RETREG1: variants seen among roughly 807,000 people sequenced by gnomAD.
The protein encoded by RETREG1 is reticulophagy regulator 1, also known as family with sequence similarity 134 member B.
Under a neutral mutation model 54.8 loss-of-function variants are expected in RETREG1, and 44 were observed. That is an observed-to-expected ratio of 0.80 (90% CI 0.63 to 1.03). The LOEUF is 1.03. Ranked by LOEUF, RETREG1 falls within the 50% of genes least tolerant of loss-of-function variation. RETREG1 has a pLI of 0.00. For missense variants in RETREG1, 554 were observed against 605.1 expected (o/e 0.92, Z 0.89); for synonymous variants, 217 against 238.5 (o/e 0.91, Z 0.83).
intron 3 of RETREG1, among the ~76,000 whole-genome samples, chr5:16,517,549 C>G (rs770921412): frequency 7.2e-5 from 11 of 152,072 alleles, no homozygotes; most frequent in Admixed American, 6.6e-5. Context: ...CAATTCTTCC[C>G]TCTCCCTCAC....
chr5:16,550,642 C>T (rs1741510156), intron 3 of RETREG1, among the ~76,000 whole-genome samples: 1 of 152,326 alleles, frequency 6.6e-6, no homozygotes, highest in East Asian at 1.9e-4. Flanking sequence ...AGAGTCAGCT[C>T]TCACTATTTT....
Position 16,483,380 on chromosome 5 carries a change from T to G in RETREG1, c.551A>C (p.Glu184Ala), listed in dbSNP as rs1394431461. The G allele has an allele frequency of 1.9e-6, 3 of 1,613,436 alleles. No homozygotes were observed. The Admixed American group carries it at 5.0e-5, about 27-fold the overall frequency. The change falls in exon 4 of 9, where the codon GAA (glutamate) becomes GCA (alanine). Residue 184 changes from glutamate (E) to alanine (A), a missense_variant. Glu to Ala is a moderately radical substitution (Grantham distance 107). Around this residue, in one of 4 missense-constraint regions of RETREG1, gnomAD observed 347 missense variants for 412.3 expected, o/e 0.84. Transcript: ENST00000306320. ...SWMNFSIFLQ[E>A]MSLFKQQSPG... ...GCTCTGCTGTTTAAAAAGAGACATT[T>G]CTTGAAGAAATATGCTGAAATTCAT...
chr5:16,534,187 C>T (rs1740992161), intron 3 of RETREG1, among the ~76,000 whole-genome samples: 1 of 152,154 alleles, frequency 6.6e-6, no homozygotes, highest in Admixed American at 6.5e-5. Flanking sequence ...TGGTGGCTCA[C>T]ACCTGTAATC....
intron 3 of RETREG1, among the ~76,000 whole-genome samples, chr5:16,542,555 C>A (rs183118387): frequency 5.8e-4 from 88 of 152,324 alleles, no homozygotes; most frequent in African/African-American, 2.0e-3. Context: ...AGCCCAGAGC[C>A]ATTCCCTAAG....
chr5:16,507,795 T>C (rs956852132), intron 3 of RETREG1, among the ~76,000 whole-genome samples: 5 of 152,242 alleles, frequency 3.3e-5, no homozygotes, highest in Admixed American at 2.6e-4. Flanking sequence ...GTTTCCACTT[T>C]CTTTGGCAAG....
At chr5:16,522,850 T>A (rs931791229) in intron 3 of RETREG1, among the ~76,000 whole-genome samples, 1 of 151,924 alleles carries the variant, frequency 6.6e-6, no homozygotes, top group African/African-American at 2.4e-5. Flanking sequence ...TCAAAAATTT[T>A]AAAAAGTTAG....
chr5:16,616,756 G>A lies in RETREG1; in HGVS notation c.216C>T (p.Leu72=), dbSNP rs776509065. The change falls in exon 1 of 9, where the codon CTC becomes CTT. Residue 72 remains leucine (L), a synonymous_variant. Coordinates refer to ENST00000306320, the MANE Select transcript of RETREG1 (RefSeq NM_001034850.3). The part of the protein sequence containing the change: ...GRAAAAVTWL[L]GEPVLWLGCR... ...AGCCCAGCCACAGCACCGGCTCCCC[G>A]AGCAGCCAGGTTACCGCGGCCGCCG... 6 of 1,564,610 alleles carry A rather than the reference G, an allele frequency of 3.8e-6. No individual in the cohort carries two copies. The African/African-American group carries it at 6.8e-5, about 18-fold the overall frequency.
intron 1 of RETREG1, among the ~76,000 whole-genome samples, chr5:16,607,472 G>A (rs1270098821): frequency 1.3e-5 from 2 of 152,010 alleles, no homozygotes; most frequent in Non-Finnish European, 2.9e-5. Context: ...AAATTAGCTG[G>A]GTGTGGTGGC....
At chr5:16,518,102 T>C (rs1262999307) in intron 3 of RETREG1, among the ~76,000 whole-genome samples, 2 of 148,324 alleles carry the variant, frequency 1.3e-5, no homozygotes, top group Non-Finnish European at 3.0e-5. Flanking sequence ...TATTTATATA[T>C]AATCAATGTA....
chr5:16,538,808 C>T (rs1186386538), intron 3 of RETREG1, among the ~76,000 whole-genome samples: 1 of 152,050 alleles, frequency 6.6e-6, no homozygotes, highest in Non-Finnish European at 1.5e-5. Context: ...GGGTTCACGC[C>T]ATTCTCCTAC....
Position 16,541,934 on chromosome 5 carries a change from G to A in RETREG1, c.458+23829C>T, listed in dbSNP as rs79296631. On this transcript the variant is annotated intron_variant, in intron 3 of 8. Transcript: ENST00000306320. Reference sequence around the variant, plus strand: ...TTGTTTCCTAAGAGAAATTACACAGGAGGCAATAATGTGATTATTTTATTA... The same window carrying A: ...TTGTTTCCTAAGAGAAATTACACAGAAGGCAATAATGTGATTATTTTATTA... 1.3e-3 allele frequency among the ~76,000 whole-genome samples: 198 copies of A among 152,248 alleles called. 6 individuals carry two copies. In the East Asian group the frequency reaches 0.035, roughly 27 times the overall value.
At chr5:16,595,178 T>A (rs942814641) in intron 1 of RETREG1, among the ~76,000 whole-genome samples, 3 of 152,214 alleles carry the variant, frequency 2.0e-5, no homozygotes, top group African/African-American at 7.2e-5. Context: ...ATGCGCAGTC[T>A]TGTACACGAG....
Position 16,585,784 on chromosome 5 carries a change from AAGGGG to A in RETREG1, c.321-13687_321-13683del, listed in dbSNP as rs2126331203. On this transcript the variant is annotated intron_variant, in intron 1 of 8. Coordinates refer to ENST00000306320, the MANE Select transcript of RETREG1 (RefSeq NM_001034850.3). The surrounding 1 kb of genome is among the most constrained non-coding windows in gnomAD (Gnocchi z 4.5). Reference sequence around the variant, plus strand: ...AAGCTTATGATCATGGTGAAAGGTGAAGGGGAAGCAGGCATCTCATATGGTGGGAG... The same window carrying A: ...AAGCTTATGATCATGGTGAAAGGTGAAAGCAGGCATCTCATATGGTGGGAG... Among the ~76,000 whole-genome samples, 1 of 152,284 alleles carries A rather than the reference AAGGGG, an allele frequency of 6.6e-6. No homozygotes were observed. The highest frequency in any genetic ancestry group is 2.4e-5 in the African/African-American group (1 of 41,564).
At position 16,585,942 on chromosome 5, in the gene RETREG1, A is replaced by T. The variant is rs751924514; in HGVS notation, c.321-13840T>A. On this transcript the variant is annotated intron_variant, in intron 1 of 8. Coordinates refer to ENST00000306320, the MANE Select transcript of RETREG1 (RefSeq NM_001034850.3). This position sits in a 1 kb window ranked among gnomAD's most constrained non-coding sequence, Gnocchi z 4.5. Reference sequence around the variant, plus strand: ...CACCCCCATCACCCAAACACCTCCCACCACACCCCACCTCCAACACTGGGG... The same window carrying T: ...CACCCCCATCACCCAAACACCTCCCTCCACACCCCACCTCCAACACTGGGG... 6.6e-6 allele frequency among the ~76,000 whole-genome samples: 1 copy of T among 152,120 alleles called. No individual in the cohort carries two copies. The highest frequency in any genetic ancestry group is 1.5e-5 in the Non-Finnish European group (1 of 68,026).
chr5:16,484,301 A>C (rs544587023), intron 3 of RETREG1, among the ~76,000 whole-genome samples: 1 of 152,302 alleles, frequency 6.6e-6, no homozygotes, highest in African/African-American at 2.4e-5. Flanking sequence ...CAATGACATA[A>C]AGCTTAATTC....
chr5:16,560,770 T>C (rs1348112855), intron 3 of RETREG1, among the ~76,000 whole-genome samples: 2 of 152,240 alleles, frequency 1.3e-5, no homozygotes, highest in Admixed American at 1.3e-4. Flanking sequence ...AAATAAAGTG[T>C]TCTTTAATTT....
At chr5:16,571,908 A>G in intron 2 of RETREG1, 88 bp downstream of exon 2, 1 of 920,832 alleles carries the variant, frequency 1.1e-6, no homozygotes, top group Non-Finnish European at 1.8e-6. Flanking sequence ...TGTTCAAAGG[A>G]CTAATTGGCT....
chr5:16,482,228 A>G (rs1738804175), intron 4 of RETREG1, among the ~76,000 whole-genome samples: 1 of 152,040 alleles, frequency 6.6e-6, no homozygotes, highest in African/African-American at 2.4e-5. Flanking sequence ...GGAACAAATA[A>G]GCCAAGAAAA....
At chr5:16,513,232 T>C (rs1283296124) in intron 3 of RETREG1, among the ~76,000 whole-genome samples, 2 of 152,202 alleles carry the variant, frequency 1.3e-5, no homozygotes, top group East Asian at 1.9e-4. Context: ...CTGAGGATTC[T>C]AGAACTCAAC....
Sources: gnomAD v4.1 joint callset for allele counts (sites outside exome capture counted in the v4.1 genomes callset) on GRCh38, gnomAD v4.1.1 for gene constraint, gnomAD v4.1.1 regional missense constraint, Gnocchi (gnomAD v3.1) non-coding constraint, MANE v1.5 for transcripts, NCBI Gene and HGNC (gene_info 2026-07-23, HGNC 2026-07-21) for gene names.